PCF11: variants seen among roughly 807,000 people sequenced by gnomAD.
The protein encoded by PCF11 is PCF11 cleavage and polyadenylation factor subunit.
PCF11 carries 19 observed loss-of-function variants against 166.1 expected under a neutral mutation model. The ratio of observed to expected loss-of-function variants is 0.11; its 90% confidence interval spans 0.08 to 0.17. The LOEUF (loss-of-function observed/expected upper bound fraction) is 0.17. Ranked by LOEUF, PCF11 falls within the 10% of genes least tolerant of loss-of-function variation. PCF11 has a pLI of 1.00. For synonymous variants in PCF11, 663 were observed against 644.1 expected (o/e 1.03, Z -0.44); for missense variants, 1,565 against 1,855.5 (o/e 0.84, Z 2.88).
chr11:83,177,801 C>G, exon 11 of PCF11: 1 of 1,506,996 alleles, frequency 6.6e-7, no homozygotes, highest in Non-Finnish European at 9.0e-7. Flanking sequence ...ACTAATTTTA[C>G]AGTTGAAGAA....
At chr11:83,173,001 A>G (rs1295211445) in intron 9 of PCF11, among the ~76,000 whole-genome samples, 1 of 152,222 alleles carries the variant, frequency 6.6e-6, no homozygotes, top group East Asian at 1.9e-4. Flanking sequence ...TGACTAATTA[A>G]TATTTGTTAT....
At chr11:83,159,045 T>G (rs1860122128) in intron 1 of PCF11, among the ~76,000 whole-genome samples, 1 of 152,190 alleles carries the variant, frequency 6.6e-6, no homozygotes, top group East Asian at 1.9e-4. Context: ...AGATACACGG[T>G]TTCAGGTGGT....
exon 8 of PCF11, chr11:83,169,309 G>T: frequency 6.2e-7 from 1 of 1,611,852 alleles, no homozygotes; most frequent in Non-Finnish European, 8.5e-7. Flanking sequence ...GCCAGGGGTT[G>T]GTATCAGGTT....
chr11:83,184,373 T>A, intron 15 of PCF11: 2 of 257,610 alleles, frequency 7.8e-6, no homozygotes, highest in South Asian at 9.6e-5. Flanking sequence ...AGGATATATG[T>A]ATGAGTTTAA....
intron 9 of PCF11, among the ~76,000 whole-genome samples, chr11:83,175,905 T>G (rs530391237): frequency 3.9e-4 from 60 of 152,260 alleles, no homozygotes; most frequent in Non-Finnish European, 7.6e-4. Flanking sequence ...ATTGAAGCTT[T>G]AGTAACCATG....
In PCF11 at chr11:83,182,555, A is replaced by G. The variant is rs191990492; in HGVS notation, c.4416+64A>G. The G allele has an allele frequency of 1.1e-5, 9 of 806,388 alleles. No individual in the cohort carries two copies. In the Admixed American group the frequency reaches 2.0e-4, roughly 18 times the overall value. The allele number at this position is 806,388 out of a possible 1,614,324, so 50.0% of individuals were successfully genotyped here. A position where few individuals can be genotyped will look rare whatever the true frequency, so the allele number is the denominator to read the frequency against. On this transcript the variant is annotated intron_variant, in intron 14 of 15. Coordinates refer to ENST00000298281, the Ensembl canonical transcript of PCF11. ...TGTTTTTTTGTTGGGTTAACACATT[A>G]CTTTGAAAGGAGGCGGTTCATAATA... is the stretch of plus-strand genomic sequence containing the variant.
chr11:83,185,064 C>T (rs1861233652), exon 16 of PCF11: 1 of 509,628 alleles, frequency 2.0e-6, no homozygotes, highest in South Asian at 3.1e-5. Context: ...GCATTTCCTA[C>T]TGCCTGCAGA....
intron 14 of PCF11, 121 bp from the exon 15 acceptor site, chr11:83,182,917 G>A (rs1405050184): frequency 2.8e-6 from 2 of 701,804 alleles, no homozygotes; most frequent in Middle Eastern, 2.4e-4. Context: ...TCCATTTTGG[G>A]ACCAAATAAT....
chr11:83,176,690 G>T (rs974137798), intron 9 of PCF11, among the ~76,000 whole-genome samples: 1 of 151,614 alleles, frequency 6.6e-6, no homozygotes, highest in South Asian at 2.1e-4. Flanking sequence ...CAGTCGGGGG[G>T]TGGGGGGTCT....
chr11:83,158,567 T>C (rs891095705), intron 1 of PCF11: 3 of 152,360 alleles, frequency 2.0e-5, no homozygotes, highest in African/African-American at 7.2e-5. Context: ...ATGGGAGCGA[T>C]ATGTCATTTA....
In PCF11 at chr11:83,175,210, A is replaced by C. The variant is rs137942792; in HGVS notation, c.3758-1875A>C. ...GAGTACAGTGGGGTGATCTTGGCTCACTGCAACCTCCTCCCAGTTTCAAAC... is the reference window on the plus strand; with the variant it reads ...GAGTACAGTGGGGTGATCTTGGCTCCCTGCAACCTCCTCCCAGTTTCAAAC... On this transcript the variant is annotated intron_variant, in intron 9 of 15. Coordinates refer to ENST00000298281, the Ensembl canonical transcript of PCF11. Among the ~76,000 whole-genome samples the C allele has an allele frequency of 9.2e-3, 1,406 of 152,196 alleles. 13 individuals are homozygous for C. The highest frequency in any genetic ancestry group is 0.029 in the African/African-American group (1,219 of 41,534).
rs1464789250 is a variant in PCF11 at position 83,181,795 on chromosome 11, T to C, written c.4168-59T>C. On this transcript the variant is annotated intron_variant, in intron 12 of 15. Transcript: ENST00000298281. The stretch of plus-strand genomic sequence containing the variant: ...CCTTTAAATGGCATTATATTGAAGA[T>C]ACACAGTAAAAATTTAGAAATAAAT... 1.3e-5 allele frequency: 16 copies of C among 1,247,106 alleles called. No individual in the cohort carries two copies. The Admixed American group carries it at 4.3e-4, about 34-fold the overall frequency. The allele number at this position is 1,247,106 out of a possible 1,614,324, so 77.3% of individuals were successfully genotyped here.
chr11:83,158,872 A>G (rs1326372925), intron 1 of PCF11: 1 of 152,250 alleles, frequency 6.6e-6, no homozygotes, highest in African/African-American at 2.4e-5. Context: ...TAAAACATAT[A>G]AAATATGTAT....
intron 8 of PCF11, among the ~76,000 whole-genome samples, 155 bp downstream of exon 8, chr11:83,170,150 C>A (rs1407393052): frequency 6.6e-6 from 1 of 152,184 alleles, no homozygotes; most frequent in African/African-American, 2.4e-5. Context: ...GGATGAGCAT[C>A]TTTTGGGGAT....
chr11:83,168,779 G>A (rs1860566995), exon 8 of PCF11: 2 of 1,613,896 alleles, frequency 1.2e-6, no homozygotes, highest in Non-Finnish European at 1.7e-6. Context: ...CAGCTAGGAG[G>A]TGGGTGTCCT....
intron 1 of PCF11, chr11:83,157,862 C>G (rs1860056171): frequency 1.8e-6 from 1 of 565,252 alleles, no homozygotes; most frequent in Non-Finnish European, 3.2e-6. Context: ...TTCCAACTCC[C>G]TTTTTAGGCC....
intron 1 of PCF11, among the ~76,000 whole-genome samples, chr11:83,160,268 A>C (rs1484285916): frequency 2.7e-5 from 4 of 147,410 alleles, no homozygotes; most frequent in African/African-American, 1.0e-4. Flanking sequence ...GGTAAGTGTT[A>C]CTTAGGGTTA....
At position 83,181,210 on chromosome 11, in the gene PCF11, TC is replaced by T; in HGVS notation, c.4167+21del. Reference sequence around the variant, plus strand: ...TTTAACAGTAAGTAACCCATGTGCCTCCATAGTATCTTTTAGGCTTAAATTA... The same window carrying T: ...TTTAACAGTAAGTAACCCATGTGCCTCATAGTATCTTTTAGGCTTAAATTA... On this transcript the variant is annotated intron_variant, in intron 12 of 15. Transcript: ENST00000298281. The T allele has an allele frequency of 7.1e-7, 1 of 1,399,986 alleles. No homozygotes were observed. Among genetic ancestry groups the T allele is most frequent in the Non-Finnish European group, 9.9e-7 (1 of 1,014,636 alleles). 86.7% of individuals were successfully genotyped at this position (1,399,986 alleles called of 1,614,324 possible).
chr11:83,160,174 C>G (rs1348490867), intron 1 of PCF11, among the ~76,000 whole-genome samples: 1 of 152,146 alleles, frequency 6.6e-6, no homozygotes, highest in African/African-American at 2.4e-5. Flanking sequence ...TTTCCACACA[C>G]TTGTATGGGC....
Sources: gnomAD v4.1 joint callset for allele counts (sites outside exome capture counted in the v4.1 genomes callset) on GRCh38, gnomAD v4.1.1 for gene constraint, MANE v1.5 for transcripts, NCBI Gene and HGNC (gene_info 2026-07-23, HGNC 2026-07-21) for gene names.